Variants in SLC25A43 observed in about 807,000 individuals in gnomAD.
SLC25A43 encodes solute carrier family 25, member 43.
SLC25A43 carries 10 observed loss-of-function variants against 22.8 expected under a neutral mutation model. The ratio of observed to expected loss-of-function variants is 0.44; its 90% confidence interval spans 0.27 to 0.74. SLC25A43 has a LOEUF of 0.74. Among genes scored for constraint, SLC25A43 ranks in the 30% least tolerant of loss-of-function variants. The pLI is 0.17. For missense variants in SLC25A43, 233 were observed against 279.1 expected (o/e 0.83, Z 1.18); for synonymous variants, 106 against 121.6 (o/e 0.87, Z 0.84).
At chrX:119,424,304 T>C (rs1400973687) in intron 3 of SLC25A43, among the ~76,000 whole-genome samples, 8 of 111,532 alleles carry the variant, frequency 7.2e-5, no homozygotes, top group Admixed American at 3.8e-4. Flanking sequence ...TATTATCCCA[T>C]TTAACTGTCT....
chrX:119,403,291 ATTTC>A (rs1249491737), intron 1 of SLC25A43, among the ~76,000 whole-genome samples: 3 of 109,594 alleles, frequency 2.7e-5, no homozygotes, highest in Non-Finnish European at 5.7e-5. Context: ...CCAGTCAAAA[ATTTC>A]TTTTTTTTTT....
chrX:119,411,390 C>T (rs1165890863), intron 3 of SLC25A43, among the ~76,000 whole-genome samples: 27 of 109,471 alleles, frequency 2.5e-4, no homozygotes, highest in Admixed American at 2.5e-3. Context: ...ATCCCAGCTA[C>T]TCGAGAGGCT....
At chrX:119,408,993 C>A (rs942134444) in intron 2 of SLC25A43, among the ~76,000 whole-genome samples, 2 of 109,841 alleles carry the variant, frequency 1.8e-5, no homozygotes, top group Non-Finnish European at 3.8e-5. Context: ...GTGCTGCCCA[C>A]TGGCTTTTTT....
chrX:119,409,425 C>T (rs928024270), intron 2 of SLC25A43, among the ~76,000 whole-genome samples: 7 of 107,664 alleles, frequency 6.5e-5, no homozygotes, highest in African/African-American at 2.4e-4. Context: ...AGGCTGGTCT[C>T]GAACCCCTGA....
intron 3 of SLC25A43, among the ~76,000 whole-genome samples, chrX:119,451,378 C>T (rs1182397412): frequency 3.6e-5 from 4 of 111,270 alleles, no homozygotes; most frequent in Non-Finnish European, 7.5e-5. Context: ...AAGATGACGG[C>T]GAGGCTAGGA....
chrX:119,413,984 A>G (rs1171675489), intron 3 of SLC25A43, among the ~76,000 whole-genome samples: 1 of 111,836 alleles, frequency 8.9e-6, no homozygotes, highest in Non-Finnish European at 1.9e-5. Context: ...GAACAATTCT[A>G]AGACTCTTCA....
At chrX:119,452,663 A>G (rs1023459677) in intron 4 of SLC25A43, among the ~76,000 whole-genome samples, 1 of 111,383 alleles carries the variant, frequency 9.0e-6, no homozygotes, top group Non-Finnish European at 1.9e-5. Context: ...ATGCCCTTCA[A>G]TCACTGTCAT....
At chrX:119,402,622 T>C (rs2052248851) in intron 1 of SLC25A43, among the ~76,000 whole-genome samples, 1 of 111,843 alleles carries the variant, frequency 8.9e-6, no homozygotes, top group African/African-American at 3.3e-5. Flanking sequence ...ATTACACATA[T>C]CCAGGGTGTG....
chrX:119,446,681 T>C (rs926750221), intron 3 of SLC25A43, among the ~76,000 whole-genome samples: 15 of 112,502 alleles, frequency 1.3e-4, no homozygotes, highest in Non-Finnish European at 2.8e-4. Flanking sequence ...TTATAACTCA[T>C]GCATAAAATT....
rs199779729 is a variant in SLC25A43 at position 119,416,216 on chromosome X, CT to C, written c.690+5866del. ...AATGACCATAACTTTAGAAAAATGC[CT>C]TTTTTTTTTTTAATTTTTTTGAAAT... On this transcript the variant is annotated intron_variant, in intron 3 of 4. Transcript: ENST00000217909. Among the ~76,000 whole-genome samples, 225 of 101,894 alleles carry C rather than the reference CT, an allele frequency of 2.2e-3. 1 individual carries two copies. The highest frequency in any genetic ancestry group is 5.7e-3 in the African/African-American group (161 of 28,130). The allele number at this position is 101,894 out of a possible 115,157, so 88.5% of individuals were successfully genotyped here.
intron 1 of SLC25A43, among the ~76,000 whole-genome samples, chrX:119,405,595 C>CAAAAAAAAA (rs56389948): frequency 2.0e-5 from 1 of 51,164 alleles, no homozygotes; most frequent in African/African-American, 7.6e-5. Flanking sequence ...CCTATCTCTA[C>CAAAAAAAAA]AAAAAAAAAA....
intron 3 of SLC25A43, among the ~76,000 whole-genome samples, chrX:119,446,214 C>T (rs2052667410): frequency 9.7e-6 from 1 of 102,771 alleles, no homozygotes; most frequent in African/African-American, 3.6e-5. Flanking sequence ...TCAGTAAAAT[C>T]GAGTTTTCAC....
At chrX:119,408,023 C>G (rs2052313713) in intron 2 of SLC25A43, among the ~76,000 whole-genome samples, 1 of 110,979 alleles carries the variant, frequency 9.0e-6, no homozygotes, top group Non-Finnish European at 1.9e-5. Context: ...GCACTGCTGC[C>G]CGGCTGAGGT....
intron 1 of SLC25A43, among the ~76,000 whole-genome samples, chrX:119,405,673 G>C (rs1043370626): frequency 4.6e-5 from 5 of 108,914 alleles, no homozygotes; most frequent in Admixed American, 3.0e-4. Flanking sequence ...AGGAGGCTGA[G>C]GTGGGAGGAT....
At chrX:119,425,632 A>G (rs926156439) in intron 3 of SLC25A43, among the ~76,000 whole-genome samples, 1 of 110,178 alleles carries the variant, frequency 9.1e-6, no homozygotes, top group African/African-American at 3.3e-5. Flanking sequence ...AGTCAGAAAA[A>G]AAAAAAAAAA....
rs1343129206 is a variant in SLC25A43 at position 119,409,028 on chromosome X, C to T, written c.518-1162C>T. Among the ~76,000 whole-genome samples the T allele has an allele frequency of 3.6e-5, 4 of 110,355 alleles. No individual in the cohort carries two copies. The East Asian group carries it at 8.4e-4, about 23-fold the overall frequency. On this transcript the variant is annotated intron_variant, in intron 2 of 4. Coordinates refer to ENST00000217909, the MANE Select transcript of SLC25A43 (RefSeq NM_145305.3). Reference sequence around the variant, plus strand: ...TTACTTGAGTGATTTTTTCCCCGAACATTAAAAAAAAGCTTCAAACATCTA... The same window carrying T: ...TTACTTGAGTGATTTTTTCCCCGAATATTAAAAAAAAGCTTCAAACATCTA...
At chrX:119,433,367 A>G (rs996228863) in intron 3 of SLC25A43, among the ~76,000 whole-genome samples, 1 of 111,502 alleles carries the variant, frequency 9.0e-6, no homozygotes. Flanking sequence ...GTTTTACTCA[A>G]AGTCTACTGA....
At chrX:119,448,585 A>G (rs1411905189) in intron 3 of SLC25A43, among the ~76,000 whole-genome samples, 1 of 110,976 alleles carries the variant, frequency 9.0e-6, no homozygotes, top group African/African-American at 3.3e-5. Flanking sequence ...GCCTTTGAAG[A>G]TATCTGTACA....
intron 2 of SLC25A43, among the ~76,000 whole-genome samples, chrX:119,407,424 C>T (rs1159970095): frequency 8.9e-6 from 1 of 111,739 alleles, no homozygotes; most frequent in African/African-American, 3.3e-5. Flanking sequence ...TTCTGTGACC[C>T]TTATTCTCTA....
Sources: allele counts gnomAD v4.1 joint callset (sites outside exome capture counted in the v4.1 genomes callset), GRCh38; gene constraint gnomAD v4.1.1; transcripts MANE v1.5; gene names NCBI Gene and HGNC (gene_info 2026-07-23, HGNC 2026-07-21).